The following ZNF19 variants were observed in gnomAD, a reference collection of about 807,000 sequenced individuals.
ZNF19 encodes zinc finger protein 19.
Under a neutral mutation model 13.1 loss-of-function variants are expected in ZNF19, and 11 were observed. The ratio of observed to expected loss-of-function variants is 0.84; its 90% CI spans 0.53 to 1.39. The LOEUF (loss-of-function observed/expected upper bound fraction) is 1.39, where lower values mean the gene tolerates loss of function less well. Ranked by LOEUF, ZNF19 falls within the 40% of genes most tolerant of loss-of-function variation. The pLI, the probability that ZNF19 is intolerant of heterozygous loss-of-function variation, is 0.00. For missense variants in ZNF19, 560 were observed against 547.0 expected, an observed-to-expected ratio of 1.02 and a Z score of -0.24; for synonymous variants, 186 against 187.0, an observed-to-expected ratio of 0.99 and a Z score of 0.04.
In ZNF19 at chr16:71,473,907, T is replaced by A. The variant is rs1212326200; in HGVS notation, c.*1263A>T. 2.6e-5 allele frequency: 4 copies of A among 152,210 alleles called. No homozygotes were observed. In the East Asian group the frequency reaches 7.7e-4, roughly 29 times the overall value. The allele number at this position is 152,210 out of a possible 1,614,324, so 9.4% of individuals were successfully genotyped here. A position where few individuals can be genotyped will look rare whatever the true frequency, so the allele number is the denominator to read the frequency against. On this transcript the variant is annotated 3_prime_UTR_variant, in exon 6 of 6. Coordinates refer to ENST00000288177, the MANE Select transcript of ZNF19 (RefSeq NM_006961.4). Reference sequence around the variant, plus strand: ...TGACTCATGCATTTTTATGTTTGTGTTATACTTCAATTAAAAGGTGTTTAC... The same window carrying A: ...TGACTCATGCATTTTTATGTTTGTGATATACTTCAATTAAAAGGTGTTTAC...
intron 1 of ZNF19, among the ~76,000 whole-genome samples, chr16:71,485,375 G>A (rs1021175584): frequency 2.0e-5 from 3 of 150,936 alleles, no homozygotes; most frequent in Admixed American, 6.6e-5. Context: ...GCTTGAACCC[G>A]AGAGGTGGAG....
In ZNF19 at chr16:71,475,813, T is replaced by A; in HGVS notation, c.734A>T (p.Tyr245Phe). The change falls in exon 6 of 6, where the codon TAT becomes TTT. Residue 245 changes from tyrosine (Y) to phenylalanine (F), a missense_variant. Physicochemically the swap from Tyr to Phe is conservative, Grantham distance 22 (BLOSUM62 3). Coordinates refer to ENST00000288177, the MANE Select transcript of ZNF19 (RefSeq NM_006961.4). ...ACTATTCCCACACTCTGTACAGTAA[T>A]AGGGTCTGTCCCCACTGTGGATTCT... ...HQRIHSGDRPYYCTECGNSFT... is the reference protein window; with the variant it reads ...HQRIHSGDRPFYCTECGNSFT... The A allele has an allele frequency of 6.2e-7, 1 of 1,612,308 alleles. No homozygotes were observed. Among genetic ancestry groups the A allele is most frequent in the Non-Finnish European group, 8.5e-7 (1 of 1,179,030 alleles).
rs994281499 is a variant in ZNF19, at chr16:71,484,627, G to A, written c.-68C>T. Reference sequence around the variant, plus strand: ...GAAAGCGGTGCGTGAACGGAAGTGCGTCACTACTTTGGCCTTGCACCCAGG... The same window carrying A: ...GAAAGCGGTGCGTGAACGGAAGTGCATCACTACTTTGGCCTTGCACCCAGG... On this transcript the variant is annotated 5_prime_UTR_variant, in exon 2 of 6. In the 5' UTR this introduces an upstream ATG that the reference lacks. Coordinates refer to ENST00000288177, the MANE Select transcript of ZNF19 (RefSeq NM_006961.4). The A allele has an allele frequency of 4.0e-5, 39 of 985,344 alleles. No individual in the cohort carries two copies. The highest frequency in any genetic ancestry group is 3.1e-4 in the Admixed American group (5 of 16,270). 61.0% of individuals were successfully genotyped at this position (985,344 alleles called of 1,614,324 possible).
chr16:71,478,862 G>C lies in ZNF19; in HGVS notation c.160+17C>G. ...GGAAAAGTACAGATCTGAGTCCTAG[G>C]AGGAAAATGGCCTTACCCAAAGCAG... On this transcript the variant is annotated intron_variant, in intron 4 of 5. Coordinates refer to ENST00000288177, the MANE Select transcript of ZNF19 (RefSeq NM_006961.4). The C allele has an allele frequency of 6.2e-7, 1 of 1,612,816 alleles. No individual in the cohort carries two copies. Among genetic ancestry groups the C allele is most frequent in the Non-Finnish European group, 8.5e-7 (1 of 1,179,042 alleles).
At position 71,475,522 on chromosome 16, in the gene ZNF19, G is replaced by C; in HGVS notation, c.1025C>G (p.Thr342Arg). Residue 342 changes from threonine (T) to arginine (R), a missense_variant, in exon 6 of 6, where the codon ACA becomes AGA. Thr to Arg is a moderately conservative substitution (Grantham distance 71, BLOSUM62 -1). Transcript: ENST00000288177. ...KVCGQAFNFH[T>R]KLTRHQRIHS... Reference sequence around the variant, plus strand: ...AATTCTCTGGTGCCGAGTTAGTTTTGTATGAAAATTGAAGGCTTGTCCACA... The same window carrying C: ...AATTCTCTGGTGCCGAGTTAGTTTTCTATGAAAATTGAAGGCTTGTCCACA... 3 of 1,614,156 alleles carry C rather than the reference G, an allele frequency of 1.9e-6. No individual in the cohort carries two copies. Among genetic ancestry groups the C allele is most frequent in the South Asian group, 2.2e-5 (2 of 91,080 alleles).
intron 2 of ZNF19, 73 bp downstream of exon 2, chr16:71,484,516 G>A (rs2043661852): frequency 6.1e-6 from 6 of 985,456 alleles, no homozygotes; most frequent in Non-Finnish European, 7.2e-6. Flanking sequence ...CAGGGACGAA[G>A]CCGACAGCCT....
intron 1 of ZNF19, among the ~76,000 whole-genome samples, chr16:71,486,491 C>T (rs1279213190): frequency 6.6e-6 from 1 of 152,192 alleles, no homozygotes; most frequent in Non-Finnish European, 1.5e-5. Flanking sequence ...CCCAACCTCA[C>T]TGGCTTTGAA....
chr16:71,485,498 G>A (rs144094788), intron 1 of ZNF19, among the ~76,000 whole-genome samples: 4 of 140,348 alleles, frequency 2.9e-5, no homozygotes, highest in Admixed American at 7.1e-5. Flanking sequence ...AAGAAAGAAA[G>A]ACCAGGTCTA....
intron 1 of ZNF19, among the ~76,000 whole-genome samples, chr16:71,485,117 G>T (rs928253018): frequency 1.3e-5 from 2 of 152,126 alleles, no homozygotes; most frequent in African/African-American, 2.4e-5. Context: ...CAAAAAAGCT[G>T]TCCTCCTTAG....
Position 71,478,876 on chromosome 16 carries a change from T to C in ZNF19, c.160+3A>G. 6.2e-7 allele frequency: 1 copy of C among 1,613,766 alleles called. No homozygotes were observed. Among genetic ancestry groups the C allele is most frequent in the Non-Finnish European group, 8.5e-7 (1 of 1,179,704 alleles). On this transcript the variant is annotated splice_donor_region_variant and intron_variant, in intron 4 of 5. Coordinates refer to ENST00000288177, the MANE Select transcript of ZNF19 (RefSeq NM_006961.4). ...CTGAGTCCTAGGAGGAAAATGGCCT[T>C]ACCCAAAGCAGTCAGGTTCCCAAAA...
In ZNF19 at chr16:71,475,132, G is replaced by C. The variant is rs768914798; in HGVS notation, c.*38C>G. 1 of 1,517,920 alleles carries C rather than the reference G, an allele frequency of 6.6e-7. No homozygotes were observed. The highest frequency in any genetic ancestry group is 8.8e-7 in the Non-Finnish European group (1 of 1,130,566). The allele number at this position is 1,517,920 out of a possible 1,614,324, so 94.0% of individuals were successfully genotyped here. On this transcript the variant is annotated 3_prime_UTR_variant, in exon 6 of 6. Coordinates refer to ENST00000288177, the MANE Select transcript of ZNF19 (RefSeq NM_006961.4). ...TCACACATTCCATTCCTGAGTAGAAGACGGAATCCACTCAGTACATTTCAC... is the reference window on the plus strand; with the variant it reads ...TCACACATTCCATTCCTGAGTAGAACACGGAATCCACTCAGTACATTTCAC...
Position 71,475,504 on chromosome 16 carries a change from T to G in ZNF19, c.1043A>C (p.Gln348Pro). ...FNFHTKLTRH[Q>P]RIHSEEKPFD... Reference sequence around the variant, plus strand: ...GGGTTTCTCCTCACTGTGAATTCTCTGGTGCCGAGTTAGTTTTGTATGAAA... The same window carrying G: ...GGGTTTCTCCTCACTGTGAATTCTCGGGTGCCGAGTTAGTTTTGTATGAAA... Residue 348 changes from glutamine (Q) to proline (P), a missense_variant, in exon 6 of 6, where the codon CAG (glutamine) becomes CCG (proline). Coordinates refer to ENST00000288177, the MANE Select transcript of ZNF19 (RefSeq NM_006961.4). 6.2e-7 allele frequency: 1 copy of G among 1,614,218 alleles called. No homozygotes were observed. Among genetic ancestry groups the G allele is most frequent in the Non-Finnish European group, 8.5e-7 (1 of 1,180,032 alleles).
At chr16:71,478,509 T>A in intron 4 of ZNF19, 168 bp from the exon 5 acceptor site, 1 of 707,932 alleles carries the variant, frequency 1.4e-6, no homozygotes, top group Non-Finnish European at 2.6e-6. Flanking sequence ...GACTTCTTCC[T>A]AAAAAAAACA....
chr16:71,488,412 C>T (rs1281094298), intron 1 of ZNF19, among the ~76,000 whole-genome samples: 2 of 150,822 alleles, frequency 1.3e-5, no homozygotes, highest in Non-Finnish European at 1.5e-5. Context: ...CACACAGATT[C>T]GAAACTCAGA....
At chr16:71,484,434 C>A (rs2043660851) in intron 2 of ZNF19, among the ~76,000 whole-genome samples, 155 bp downstream of exon 2, 1 of 152,188 alleles carries the variant, frequency 6.6e-6, no homozygotes, top group Non-Finnish European at 1.5e-5. Context: ...AGAGGGAGAC[C>A]GGGACCGGCC....
In ZNF19 at chr16:71,475,089, G is replaced by C; in HGVS notation, c.*81C>G. On this transcript the variant is annotated 3_prime_UTR_variant, in exon 6 of 6. Transcript: ENST00000288177. ...ACTGTGGCTTGAGGGATGGATCAGA[G>C]GCTGAGTCAGGCCTGTGTCACACAT... 6.9e-7 allele frequency: 1 copy of C among 1,440,566 alleles called. No individual in the cohort carries two copies. 89.2% of individuals were successfully genotyped at this position (1,440,566 alleles called of 1,614,324 possible).
rs774509584 is a variant in ZNF19 at position 71,476,273 on chromosome 16, C to A, written c.275-1G>T. On this transcript the variant is annotated splice_acceptor_variant, in intron 5 of 5. Coordinates refer to ENST00000288177, the MANE Select transcript of ZNF19 (RefSeq NM_006961.4). LOFTEE classifies it high-confidence loss of function. ...TCACTGTCAATGTTGGTCTCAACAT[C>A]TGACATAAGAGATAGAAAACACAAA... 1 of 1,605,514 alleles carries A rather than the reference C, an allele frequency of 6.2e-7. No individual in the cohort carries two copies. The highest frequency in any genetic ancestry group is 8.5e-7 in the Non-Finnish European group (1 of 1,176,200).
Position 71,475,272 on chromosome 16 carries a change from A to G in ZNF19, c.1275T>C (p.Ser425=), listed in dbSNP as rs765994712. ...CSKYEKAFGT[S]SQLGHLEHVY... ...CATGCTCAAGGTGACCTAGCTGGGA[A>G]GAAGTCCCAAAGGCCTTCTCATACT... is the stretch of plus-strand genomic sequence containing the variant. The change falls in exon 6 of 6, where the codon TCT becomes TCC. Residue 425 remains serine (S), a synonymous_variant. Coordinates refer to ENST00000288177, the MANE Select transcript of ZNF19 (RefSeq NM_006961.4). The G allele has an allele frequency of 3.1e-6, 5 of 1,614,242 alleles. No homozygotes were observed. The highest frequency in any genetic ancestry group is 4.2e-6 in the Non-Finnish European group (5 of 1,180,036).
chr16:71,481,566 C>T (rs1365437220), intron 3 of ZNF19, among the ~76,000 whole-genome samples: 1 of 152,214 alleles, frequency 6.6e-6, no homozygotes, highest in Admixed American at 6.5e-5. Context: ...TTTCCTATCA[C>T]AGCCCATTGC....
Sources: gnomAD v4.1 joint callset for allele counts (sites outside exome capture counted in the v4.1 genomes callset) on GRCh38, gnomAD v4.1.1 for gene constraint, MANE v1.5 for transcripts, NCBI Gene and HGNC (gene_info 2026-07-23, HGNC 2026-07-21) for gene names.